Variants in SHANK2 observed in about 807,000 individuals in gnomAD.
SHANK2 encodes SH3 and multiple ankyrin repeat domains protein 2.
SHANK2 carries 43 observed loss-of-function variants against 133.7 expected under a neutral mutation model. That is an observed-to-expected ratio of 0.32 (90% confidence interval 0.25 to 0.41). SHANK2 has a LOEUF of 0.41. Ranked by LOEUF, SHANK2 falls within the 10% of genes least tolerant of loss-of-function variation. SHANK2 has a pLI of 1.00. For missense variants in SHANK2, 1,994 were observed against 2,235.8 expected (o/e 0.89, Z 2.18); for synonymous variants, 1,017 against 952.8 (o/e 1.07, Z -1.24).
intron 25 of SHANK2, among the ~76,000 whole-genome samples, chr11:70,484,041 AG>A (rs1431430061): frequency 6.6e-6 from 1 of 152,232 alleles, no homozygotes; most frequent in Non-Finnish European, 1.5e-5. Flanking sequence ...AGGCTTCATT[AG>A]TCAAAATGAT....
chr11:70,918,119 G>A, intron 10 of SHANK2, among the ~76,000 whole-genome samples: 1 of 151,888 alleles, frequency 6.6e-6, no homozygotes, highest in Middle Eastern at 3.2e-3. Flanking sequence ...CCTGACCCAG[G>A]AAAGAAAAGC....
chr11:71,115,904 G>A (rs782380962), intron 4 of SHANK2, among the ~76,000 whole-genome samples: 56 of 152,342 alleles, frequency 3.7e-4, no homozygotes, highest in Middle Eastern at 3.4e-3. Context: ...CCAGAAAAGT[G>A]TGTGGTCCTT....
chr11:71,200,545 T>C (rs1387907210), intron 2 of SHANK2, among the ~76,000 whole-genome samples: 1 of 152,164 alleles, frequency 6.6e-6, no homozygotes, highest in Non-Finnish European at 1.5e-5. Flanking sequence ...GACTTCACTC[T>C]ACATTTGACT....
At chr11:71,122,131 T>C (rs1202125482) in intron 3 of SHANK2, among the ~76,000 whole-genome samples, 2 of 152,178 alleles carry the variant, frequency 1.3e-5, no homozygotes, top group Non-Finnish European at 2.9e-5. Flanking sequence ...TTTGACCCAG[T>C]GATCCCATTA....
At chr11:70,879,550 C>A (rs1205779220) in intron 11 of SHANK2, among the ~76,000 whole-genome samples, 5 of 152,204 alleles carry the variant, frequency 3.3e-5, no homozygotes, top group Admixed American at 2.0e-4. Context: ...GGATTGGAAC[C>A]CTCGTCCCTC....
At chr11:71,142,725 G>A (rs1307216713) in intron 3 of SHANK2, among the ~76,000 whole-genome samples, 1 of 151,236 alleles carries the variant, frequency 6.6e-6, no homozygotes, top group Non-Finnish European at 1.5e-5. Context: ...TCTGCAGAGA[G>A]AAAGTTTTTC....
intron 11 of SHANK2, among the ~76,000 whole-genome samples, chr11:70,827,007 T>A (rs1948652586): frequency 6.6e-6 from 1 of 152,056 alleles, no homozygotes; most frequent in Non-Finnish European, 1.5e-5. Flanking sequence ...AAAATTTTTT[T>A]AAAGAAAAAG....
intron 2 of SHANK2, among the ~76,000 whole-genome samples, chr11:71,205,937 G>A (rs914343378): frequency 1.3e-5 from 2 of 151,914 alleles, no homozygotes; most frequent in African/African-American, 4.8e-5. Context: ...CAGGTGAAAC[G>A]GGGCTGGGGA....
chr11:70,612,352 C>T (rs149360269), intron 17 of SHANK2, among the ~76,000 whole-genome samples: 2 of 152,144 alleles, frequency 1.3e-5, no homozygotes, highest in Non-Finnish European at 2.9e-5. Flanking sequence ...CAAGCACCTG[C>T]CATTTACCTG....
chr11:70,832,898 G>A (rs2135403891), intron 11 of SHANK2, among the ~76,000 whole-genome samples: 1 of 152,304 alleles, frequency 6.6e-6, no homozygotes, highest in South Asian at 2.1e-4. Flanking sequence ...CATCTGCAGA[G>A]CAGCTAGGCT....
chr11:71,233,171 G>A lies in SHANK2; in HGVS notation c.-112-8375C>T, dbSNP rs148827479. On this transcript the variant is annotated intron_variant, in intron 1 of 25. Coordinates refer to ENST00000601538, the MANE Select transcript of SHANK2 (RefSeq NM_012309.5). Reference sequence around the variant, plus strand: ...CCAAAAAAAAAAAGTGTATATGAATGTTCACGGCAGCATACCTCATAACAG... The same window carrying A: ...CCAAAAAAAAAAAGTGTATATGAATATTCACGGCAGCATACCTCATAACAG... Among the ~76,000 whole-genome samples the A allele has an allele frequency of 5.2e-3, 787 of 151,896 alleles. 17 individuals are homozygous for A. The highest frequency in any genetic ancestry group is 0.019 in the African/African-American group (768 of 41,410).
intron 11 of SHANK2, among the ~76,000 whole-genome samples, chr11:70,842,765 G>T (rs1336893176): frequency 6.6e-6 from 1 of 152,192 alleles, no homozygotes; most frequent in African/African-American, 2.4e-5. Context: ...CTCCCAGGGG[G>T]GTGGGAGGCA....
At chr11:70,897,793 T>C (rs1949958198) in intron 10 of SHANK2, among the ~76,000 whole-genome samples, 1 of 152,204 alleles carries the variant, frequency 6.6e-6, no homozygotes, top group African/African-American at 2.4e-5. Flanking sequence ...TTAGGTCATA[T>C]TCCTCAGAAA....
chr11:71,160,695 C>T (rs1169705014), intron 2 of SHANK2, among the ~76,000 whole-genome samples: 2 of 152,228 alleles, frequency 1.3e-5, no homozygotes, highest in Non-Finnish European at 2.9e-5. Flanking sequence ...AAGACACCCA[C>T]CTTCTACAAC....
At chr11:71,083,194 G>A (rs1246098121) in intron 8 of SHANK2, among the ~76,000 whole-genome samples, 1 of 152,128 alleles carries the variant, frequency 6.6e-6, no homozygotes, top group Non-Finnish European at 1.5e-5. Flanking sequence ...GCCTGCCTCA[G>A]CCTCCCAAAC....
intron 2 of SHANK2, among the ~76,000 whole-genome samples, chr11:71,183,079 T>C (rs1179978467): frequency 6.6e-6 from 1 of 152,116 alleles, no homozygotes; most frequent in Non-Finnish European, 1.5e-5. Context: ...AGGGGAAATC[T>C]CAAAGCCTTC....
chr11:70,660,080 G>T, intron 16 of SHANK2, 128 bp from the exon 17 acceptor site: 1 of 1,163,558 alleles, frequency 8.6e-7, no homozygotes, highest in Non-Finnish European at 1.3e-6. Flanking sequence ...GGCTAGTCCA[G>T]GCCAACTCTC....
rs141690392 is a variant in SHANK2 at position 70,558,458 on chromosome 11, C to T, written c.2062-55527G>A. Among the ~76,000 whole-genome samples the T allele has an allele frequency of 3.8e-3, 577 of 152,362 alleles. 4 individuals carry two copies. Among genetic ancestry groups the T allele is most frequent in the South Asian group, 0.02 (99 of 4,832 alleles). ...TCAAGACAGTGCCTGGACAGAGCTT[C>T]GGAGCTCAGGCTGGAGCCAGCCTGC... On this transcript the variant is annotated intron_variant, in intron 17 of 25. Transcript: ENST00000601538.
At chr11:70,688,686 T>C (rs1043616825) in intron 15 of SHANK2, among the ~76,000 whole-genome samples, 5 of 152,176 alleles carry the variant, frequency 3.3e-5, no homozygotes, top group Non-Finnish European at 5.9e-5. Context: ...GATCTTGTCA[T>C]GGGGCTGGCA....
Sources: allele counts gnomAD v4.1 joint callset (sites outside exome capture counted in the v4.1 genomes callset), GRCh38; gene constraint gnomAD v4.1.1; transcripts MANE v1.5; gene names NCBI Gene and HGNC (gene_info 2026-07-23, HGNC 2026-07-21).